SRPK2: variants seen among roughly 807,000 people sequenced by gnomAD.
The protein encoded by SRPK2 is SFRS protein kinase 2.
In SRPK2, 21 loss-of-function variants were observed where a neutral mutation model predicts 90.8. The ratio of observed to expected loss-of-function variants is 0.23; its 90% CI spans 0.16 to 0.33. The LOEUF is 0.33. Ranked by LOEUF, SRPK2 falls within the 10% of genes least tolerant of loss-of-function variation. The probability of loss-of-function intolerance (pLI) is 1.00; values close to 1 mark genes in which losing one functional copy is unlikely to be tolerated. For synonymous variants in SRPK2, 288 were observed against 311.1 expected (o/e 0.93, Z 0.78); for missense variants, 620 against 869.0 (o/e 0.71, Z 3.60).
Position 105,308,850 on chromosome 7 carries a change from TTC to T in SRPK2, c.71+79796_71+79797del, listed in dbSNP as rs1488397926. Among the ~76,000 whole-genome samples the T allele has an allele frequency of 2.0e-4, 30 of 152,216 alleles. No homozygotes were observed. The South Asian group carries it at 3.7e-3, about 19-fold the overall frequency. ...AAACTCCACGAAAACTAAACAGGAT[TTC>T]TCTCTCTGTAATCTTTCATCCTGGT... On this transcript the variant is annotated intron_variant, in intron 2 of 15. Transcript: ENST00000393651.
chr7:105,231,403 T>C (rs1799404391), intron 2 of SRPK2, among the ~76,000 whole-genome samples: 1 of 152,214 alleles, frequency 6.6e-6, no homozygotes, highest in African/African-American at 2.4e-5. Flanking sequence ...CATGGTAGAA[T>C]GACTTATATT....
At chr7:105,293,242 G>C (rs760964946) in intron 2 of SRPK2, among the ~76,000 whole-genome samples, 4 of 151,170 alleles carry the variant, frequency 2.6e-5, no homozygotes, top group Non-Finnish European at 4.4e-5. Context: ...AGGTTGTAGT[G>C]ATCGCACCAC....
chr7:105,353,015 A>G (rs940107102), intron 2 of SRPK2, among the ~76,000 whole-genome samples: 8 of 152,110 alleles, frequency 5.3e-5, no homozygotes, highest in African/African-American at 1.9e-4. Flanking sequence ...ACCTTGTGTC[A>G]CTGCTAGTTG....
intron 15 of SRPK2, 130 bp downstream of exon 15, chr7:105,126,118 G>T: frequency 2.5e-6 from 2 of 807,344 alleles, no homozygotes; most frequent in Non-Finnish European, 4.0e-6. Flanking sequence ...TTTTCTATCA[G>T]CATAGGAATT....
intron 3 of SRPK2, among the ~76,000 whole-genome samples, chr7:105,192,539 T>G (rs1408443013): frequency 6.6e-6 from 1 of 152,196 alleles, no homozygotes. Context: ...ATATAACGAC[T>G]TATTTTCCTC....
At chr7:105,387,784 AT>A (rs1443563135) in intron 2 of SRPK2, among the ~76,000 whole-genome samples, 5 of 152,332 alleles carry the variant, frequency 3.3e-5, no homozygotes, top group Non-Finnish European at 7.4e-5. Flanking sequence ...AATCAAAAAA[AT>A]TAGGAGAGAG....
At position 105,261,701 on chromosome 7, in the gene SRPK2, T is replaced by C. The variant is rs142877890; in HGVS notation, c.72-57916A>G. Among the ~76,000 whole-genome samples the C allele has an allele frequency of 2.4e-3, 361 of 152,320 alleles. 2 individuals carry two copies. Among genetic ancestry groups the C allele is most frequent in the African/African-American group, 8.4e-3 (348 of 41,568 alleles). On this transcript the variant is annotated intron_variant, in intron 2 of 15. Transcript: ENST00000393651. Reference sequence around the variant, plus strand: ...TAATTTGTAAAATGCAAATGAACATTATTTGTTTTGTTGACATTTTGTGAT... The same window carrying C: ...TAATTTGTAAAATGCAAATGAACATCATTTGTTTTGTTGACATTTTGTGAT...
At chr7:105,387,607 T>A (rs970961274) in intron 2 of SRPK2, among the ~76,000 whole-genome samples, 4 of 151,850 alleles carry the variant, frequency 2.6e-5, no homozygotes, top group African/African-American at 9.7e-5. Flanking sequence ...GTGAGCGTGC[T>A]GCGACGTACC....
intron 7 of SRPK2, among the ~76,000 whole-genome samples, chr7:105,156,145 AG>A (rs1178791780): frequency 3.3e-5 from 5 of 152,206 alleles, no homozygotes; most frequent in Non-Finnish European, 7.3e-5. Context: ...AACTTATTAC[AG>A]GCTCATAATA....
At chr7:105,315,454 G>A (rs541714695) in intron 2 of SRPK2, among the ~76,000 whole-genome samples, 7 of 152,316 alleles carry the variant, frequency 4.6e-5, no homozygotes, top group African/African-American at 1.7e-4. Flanking sequence ...AATCATACAT[G>A]TAAAGTGCTT....
intron 2 of SRPK2, among the ~76,000 whole-genome samples, chr7:105,318,399 A>C (rs537332501): frequency 4.6e-5 from 7 of 152,218 alleles, no homozygotes; most frequent in Non-Finnish European, 8.8e-5. Flanking sequence ...CCAGCCTAAA[A>C]ATATGCTATT....
chr7:105,181,566 A>G (rs1792813978), intron 3 of SRPK2, among the ~76,000 whole-genome samples: 1 of 152,312 alleles, frequency 6.6e-6, no homozygotes, highest in South Asian at 2.1e-4. Flanking sequence ...CCGCTGCAGG[A>G]ACATGGATGG....
chr7:105,346,885 C>G (rs1448010767), intron 2 of SRPK2, among the ~76,000 whole-genome samples: 1 of 149,740 alleles, frequency 6.7e-6, no homozygotes, highest in African/African-American at 2.4e-5. Context: ...ACTTTATTCA[C>G]TGCATGATTT....
At chr7:105,340,312 A>T (rs1192729497) in intron 2 of SRPK2, among the ~76,000 whole-genome samples, 1 of 152,086 alleles carries the variant, frequency 6.6e-6, no homozygotes, top group Non-Finnish European at 1.5e-5. Flanking sequence ...TAAAGCAGTC[A>T]ATTTTTTCAT....
At chr7:105,329,957 C>T (rs563752041) in intron 2 of SRPK2, among the ~76,000 whole-genome samples, 1 of 152,094 alleles carries the variant, frequency 6.6e-6, no homozygotes, top group South Asian at 2.1e-4. Flanking sequence ...ATCGCTTGAA[C>T]ACAGGAGGCA....
intron 1 of SRPK2, among the ~76,000 whole-genome samples, chr7:105,396,212 G>A (rs2132920550): frequency 6.6e-6 from 1 of 152,128 alleles, no homozygotes; most frequent in East Asian, 1.9e-4. Context: ...ACCACGCCCG[G>A]CTAGTAGCTT....
At chr7:105,359,601 C>T (rs1172964170) in intron 2 of SRPK2, among the ~76,000 whole-genome samples, 1 of 152,174 alleles carries the variant, frequency 6.6e-6, no homozygotes, top group East Asian at 1.9e-4. Flanking sequence ...GGCACTGCTG[C>T]TGCTATGTCA....
In SRPK2 at chr7:105,388,649, T is replaced by G; in HGVS notation, c.70A>C (p.Lys24Gln). The change falls in exon 2 of 16, where the codon AAG becomes CAG. Residue 24 changes from lysine (K) to glutamine (Q), a missense_variant and splice_region_variant. Transcript: ENST00000393651. ...RRPKREKHPKKPEPQQKAPLV... is the reference protein window; with the variant it reads ...RRPKREKHPKQPEPQQKAPLV... ...GGGACAGGCGCAGCGTGGACTCACT[T>G]TTTCGGATGTTTCTCTCTTTTCGGC... 3 of 1,582,814 alleles carry G rather than the reference T, an allele frequency of 1.9e-6. No individual in the cohort carries two copies. Among genetic ancestry groups the G allele is most frequent in the East Asian group, 2.4e-5 (1 of 42,386 alleles).
intron 2 of SRPK2, among the ~76,000 whole-genome samples, chr7:105,344,067 A>C (rs926174795): frequency 6.6e-6 from 1 of 151,964 alleles, no homozygotes; most frequent in African/African-American, 2.4e-5. Flanking sequence ...CCTGGCCTAC[A>C]ATGTCATATC....
Sources: allele counts gnomAD v4.1 joint callset (sites outside exome capture counted in the v4.1 genomes callset), GRCh38; gene constraint gnomAD v4.1.1; transcripts MANE v1.5; gene names NCBI Gene and HGNC (gene_info 2026-07-23, HGNC 2026-07-21).